PSD3: variants seen among roughly 807,000 people sequenced by gnomAD.
The protein encoded by PSD3 is PH and SEC7 domain-containing protein 3.
A neutral mutation model predicts 105.5 loss-of-function variants in PSD3; 49 were observed. The ratio of observed to expected loss-of-function variants is 0.46; its 90% CI spans 0.37 to 0.59. The LOEUF is 0.59. PSD3 is among the 20% of genes least tolerant of loss of function. The pLI is 0.00. For synonymous variants in PSD3, 557 were observed against 457.8 expected (o/e 1.22, Z -2.77); for missense variants, 1,561 against 1,263.8 (o/e 1.24, Z -3.57).
At chr8:18,753,819 G>A (rs1805800669) in intron 9 of PSD3, among the ~76,000 whole-genome samples, 1 of 152,068 alleles carries the variant, frequency 6.6e-6, no homozygotes, top group Non-Finnish European at 1.5e-5. Context: ...TAACATTTTT[G>A]ATGACTCACT....
intron 4 of PSD3, among the ~76,000 whole-genome samples, chr8:18,851,914 A>C (rs567964241): frequency 6.6e-6 from 1 of 152,312 alleles, no homozygotes; most frequent in South Asian, 2.1e-4. Context: ...ATCTTTGAAA[A>C]CTAGATCAAA....
At chr8:18,765,360 T>G in intron 9 of PSD3, 89 bp downstream of exon 9, 1 of 1,210,860 alleles carries the variant, frequency 8.3e-7, no homozygotes, top group Non-Finnish European at 1.2e-6. Context: ...AGCAAAATAC[T>G]TAAGTGATCC....
rs1367353735 is a variant in PSD3 at position 18,859,060 on chromosome 8, CA to C, written c.1634+8613del. Among the ~76,000 whole-genome samples the C allele has an allele frequency of 2.6e-5, 4 of 151,984 alleles. No individual in the cohort carries two copies. The East Asian group carries it at 5.8e-4, about 22-fold the overall frequency. On this transcript the variant is annotated intron_variant, in intron 4 of 15. Coordinates refer to ENST00000327040, the MANE Select transcript of PSD3 (RefSeq NM_015310.4). Reference sequence around the variant, plus strand: ...ACAGCTTTACACAATATATTCCTTCCAAAAAAGCTCAAAGTCAAAATTACTC... The same window carrying C: ...ACAGCTTTACACAATATATTCCTTCCAAAAAGCTCAAAGTCAAAATTACTC...
intron 1 of PSD3, among the ~76,000 whole-genome samples, chr8:18,938,384 G>C (rs1322492330): frequency 6.6e-6 from 1 of 152,078 alleles, no homozygotes; most frequent in African/African-American, 2.4e-5. Context: ...CACTCTGGGA[G>C]GCTGGGGTGG....
intron 11 of PSD3, among the ~76,000 whole-genome samples, chr8:18,605,165 A>C (rs535019287): frequency 6.6e-6 from 1 of 152,214 alleles, no homozygotes; most frequent in African/African-American, 2.4e-5. Flanking sequence ...GCCTGGAAAA[A>C]CCGAAGGCAG....
intron 9 of PSD3, among the ~76,000 whole-genome samples, chr8:18,700,987 G>C (rs2129416704): frequency 6.6e-6 from 1 of 152,176 alleles, no homozygotes; most frequent in South Asian, 2.1e-4. Flanking sequence ...TTTATTTTGA[G>C]ACAGGGTGTT....
At chr8:18,570,001 A>T (rs554983834) in intron 14 of PSD3, among the ~76,000 whole-genome samples, 1 of 20,666 alleles carries the variant, frequency 4.8e-5, no homozygotes, top group African/African-American at 9.8e-5. Context: ...ACCAAAAAAG[A>T]GCCCGCATCG....
chr8:18,861,522 A>G (rs1212633556), intron 4 of PSD3, among the ~76,000 whole-genome samples: 1 of 152,026 alleles, frequency 6.6e-6, no homozygotes, highest in African/African-American at 2.4e-5. Flanking sequence ...ACCTCTTTAT[A>G]TCTGATCACA....
In PSD3 at chr8:18,587,084, G is replaced by A. The variant is rs550542013; in HGVS notation, c.2482-11799C>T. ...CTCCTCACCCAAATAGTGGGGGATTGGCTGAAGAAGGGAAGAAGAAGGAGA... is the reference window on the plus strand; with the variant it reads ...CTCCTCACCCAAATAGTGGGGGATTAGCTGAAGAAGGGAAGAAGAAGGAGA... On this transcript the variant is annotated intron_variant, in intron 12 of 15. Coordinates refer to ENST00000327040, the MANE Select transcript of PSD3 (RefSeq NM_015310.4). Among the ~76,000 whole-genome samples the A allele has an allele frequency of 2.0e-5, 3 of 152,248 alleles. No individual in the cohort carries two copies. The South Asian group carries it at 6.2e-4, about 32-fold the overall frequency.
intron 4 of PSD3, chr8:18,865,105 C>T (rs1282878105): frequency 1.3e-5 from 2 of 151,016 alleles, no homozygotes; most frequent in Admixed American, 6.6e-5. Context: ...CAACACCTAG[C>T]ACAGTGAATG....
chr8:18,666,314 G>T (rs566572752), intron 9 of PSD3, among the ~76,000 whole-genome samples: 14 of 152,362 alleles, frequency 9.2e-5, no homozygotes, highest in African/African-American at 3.1e-4. Flanking sequence ...GCATCCCAAA[G>T]TTCTGTGATT....
At chr8:18,704,903 T>C (rs1325036991) in intron 9 of PSD3, among the ~76,000 whole-genome samples, 1 of 151,986 alleles carries the variant, frequency 6.6e-6, no homozygotes. Context: ...AAGAAAAAGA[T>C]GAATATCTCA....
intron 11 of PSD3, among the ~76,000 whole-genome samples, 159 bp downstream of exon 11, chr8:18,632,454 T>G (rs188112073): frequency 1.3e-5 from 2 of 152,182 alleles, no homozygotes; most frequent in Admixed American, 1.3e-4. Flanking sequence ...GGTGCCACAT[T>G]GGATTTTTAA....
At chr8:18,539,363 G>C (rs1800022930) in intron 15 of PSD3, among the ~76,000 whole-genome samples, 1 of 152,286 alleles carries the variant, frequency 6.6e-6, no homozygotes, top group South Asian at 2.1e-4. Context: ...TTTCTGGGCA[G>C]TAGGAAGGTC....
intron 2 of PSD3, among the ~76,000 whole-genome samples, chr8:18,893,486 TTTTTA>T (rs1818945010): frequency 1.3e-5 from 2 of 152,242 alleles, no homozygotes; most frequent in African/African-American, 4.8e-5. Flanking sequence ...AAGCCGTTTC[TTTTTA>T]TTTATTTTTT....
chr8:18,779,750 T>C (rs1428810635), intron 8 of PSD3, among the ~76,000 whole-genome samples: 1 of 152,198 alleles, frequency 6.6e-6, no homozygotes, highest in African/African-American at 2.4e-5. Flanking sequence ...TCCAAAGTTC[T>C]CATTGTTGAT....
chr8:18,838,789 G>A lies in PSD3; in HGVS notation c.1634+28885C>T, dbSNP rs574849980. ...TGCACTCCAGCCTGGGTGACAGAGCGAGACTCCGTCTCAAATAATAATAAT... is the reference window on the plus strand; with the variant it reads ...TGCACTCCAGCCTGGGTGACAGAGCAAGACTCCGTCTCAAATAATAATAAT... On this transcript the variant is annotated intron_variant, in intron 4 of 15. Transcript: ENST00000327040. 1.3e-3 allele frequency among the ~76,000 whole-genome samples: 196 copies of A among 146,916 alleles called. 3 individuals carry two copies. Among genetic ancestry groups the A allele is most frequent in the African/African-American group, 3.8e-3 (153 of 39,814 alleles).
chr8:18,942,697 C>T (rs1162096758), intron 1 of PSD3, among the ~76,000 whole-genome samples: 1 of 152,252 alleles, frequency 6.6e-6, no homozygotes, highest in African/African-American at 2.4e-5. Flanking sequence ...TGGCCATCTG[C>T]AAGACAAAGA....
intron 1 of PSD3, among the ~76,000 whole-genome samples, chr8:19,079,150 A>G (rs1829560609): frequency 6.6e-6 from 1 of 152,076 alleles, no homozygotes; most frequent in South Asian, 2.1e-4. Flanking sequence ...GAAAAAGAGC[A>G]AGAGAACGTT....
Sources: allele counts gnomAD v4.1 joint callset (sites outside exome capture counted in the v4.1 genomes callset), GRCh38; gene constraint gnomAD v4.1.1; transcripts MANE v1.5; gene names NCBI Gene and HGNC (gene_info 2026-07-23, HGNC 2026-07-21).